The following SHLD2 variants were observed in gnomAD, a reference collection of about 807,000 sequenced individuals.
The protein encoded by SHLD2 is shieldin complex subunit 2.
In SHLD2, 30 loss-of-function variants were observed where a neutral mutation model predicts 73.2. That is an observed-to-expected ratio of 0.41 (90% CI 0.31 to 0.56). The LOEUF is 0.56. Ranked by LOEUF, SHLD2 falls within the 20% of genes least tolerant of loss-of-function variation. SHLD2 has a pLI of 0.28. For synonymous variants in SHLD2, 285 were observed against 370.1 expected, an observed-to-expected ratio of 0.77 and a Z score of 2.64; for missense variants, 745 against 1,055.9, an observed-to-expected ratio of 0.71 and a Z score of 4.08.
chr10:87,125,112 G>T (rs992336394), intron 2 of SHLD2, among the ~76,000 whole-genome samples: 7 of 152,148 alleles, frequency 4.6e-5, no homozygotes, highest in African/African-American at 1.7e-4. Flanking sequence ...AGCAGAAGGG[G>T]TGCTTAAGAG....
intron 7 of SHLD2, among the ~76,000 whole-genome samples, chr10:87,179,336 A>G (rs890338889): frequency 2.0e-5 from 3 of 152,150 alleles, no homozygotes; most frequent in African/African-American, 7.2e-5. Context: ...GTTGGAAAAA[A>G]GTTTAAAAGA....
At position 87,152,216 on chromosome 10, in the gene SHLD2, G is replaced by A. The variant is rs1168487843; in HGVS notation, c.862G>A (p.Glu288Lys). Residue 288 changes from glutamate (E) to lysine (K), a missense_variant, in exon 3 of 10, where the codon GAG becomes AAG. By Grantham distance (56) the Glu-to-Lys change is moderately conservative. This residue lies in a region of SHLD2 where 280 missense variants were observed against 353.9 expected (regional missense o/e 0.79). Coordinates refer to ENST00000298786, the MANE Select transcript of SHLD2 (RefSeq NM_001330112.2). ...ASYGEIRIPE[E>K]NSIQLDGFTE... ...TTACGGGGAGATAAGAATACCTGAA[G>A]AGAATTCGATTCAGCTTGATGGTTT... 5 of 1,583,426 alleles carry A rather than the reference G, an allele frequency of 3.2e-6. No homozygotes were observed. In the Admixed American group the frequency reaches 7.0e-5, roughly 22 times the overall value.
In SHLD2 at chr10:87,151,721, T is replaced by C. The variant is rs1379719674; in HGVS notation, c.367T>C (p.Cys123Arg). 2.5e-6 allele frequency: 4 copies of C among 1,611,984 alleles called. No homozygotes were observed. In the South Asian group the frequency reaches 4.4e-5, roughly 18 times the overall value. The change falls in exon 3 of 10, where the codon TGT (cysteine) becomes CGT (arginine). Residue 123 changes from cysteine (C) to arginine (R), a missense_variant. Around this residue, in one of 5 missense-constraint regions of SHLD2, gnomAD observed 280 missense variants for 353.9 expected, o/e 0.79. Coordinates refer to ENST00000298786, the MANE Select transcript of SHLD2 (RefSeq NM_001330112.2). ...SDITSSNMQI[C>R]GFKSTVPHFT... is the part of the protein sequence containing the mutation. Reference sequence around the variant, plus strand: ...TATAACTAGCTCTAATATGCAAATATGTGGATTTAAAAGCACAGTTCCGCA... The same window carrying C: ...TATAACTAGCTCTAATATGCAAATACGTGGATTTAAAAGCACAGTTCCGCA...
At chr10:87,123,496 G>A (rs1843768245) in intron 2 of SHLD2, among the ~76,000 whole-genome samples, 2 of 151,986 alleles carry the variant, frequency 1.3e-5, no homozygotes, top group Non-Finnish European at 2.9e-5. Flanking sequence ...GGCCAGGCTG[G>A]TGTACTGTTT....
upstream of SHLD2, chr10:87,095,128 G>C (rs1158593206): frequency 4.2e-5 from 6 of 142,748 alleles, no homozygotes; most frequent in Admixed American, 1.4e-4. Flanking sequence ...GAGGAGAGTG[G>C]AGGGGAACGG....
intron 2 of SHLD2, among the ~76,000 whole-genome samples, chr10:87,136,048 A>G (rs1844775497): frequency 6.6e-6 from 1 of 151,412 alleles, no homozygotes; most frequent in Admixed American, 6.6e-5. Context: ...AATTATTTAG[A>G]TTTCTTCTGC....
chr10:87,129,030 C>T (rs1844240048), intron 2 of SHLD2, among the ~76,000 whole-genome samples: 1 of 151,916 alleles, frequency 6.6e-6, no homozygotes, highest in Non-Finnish European at 1.5e-5. Context: ...CTCAGCCTAC[C>T]CAGTAGCTGG....
chr10:87,164,409 C>T (rs563956959), intron 4 of SHLD2, among the ~76,000 whole-genome samples: 157 of 152,152 alleles, frequency 1.0e-3, no homozygotes, highest in African/African-American at 3.3e-3. Context: ...TGCACTACCA[C>T]GCCTGGCTAA....
chr10:87,126,505 G>A (rs1844018742), intron 2 of SHLD2, among the ~76,000 whole-genome samples: 1 of 152,000 alleles, frequency 6.6e-6, no homozygotes, highest in Admixed American at 6.6e-5. Flanking sequence ...ACTAGAAGTA[G>A]TATAGAAACT....
At position 87,168,607 on chromosome 10, in the gene SHLD2, T is replaced by A. The variant is rs187924210; in HGVS notation, c.1634-1871T>A. On this transcript the variant is annotated intron_variant, in intron 4 of 9. Transcript: ENST00000298786. The stretch of plus-strand genomic sequence containing the variant: ...GAGTGACACCTTGTCTCAAAAAAAA[T>A]AAATAAATAAATAAATAAATTGCAG... Among the ~76,000 whole-genome samples the A allele has an allele frequency of 5.3e-3, 742 of 140,704 alleles. 4 individuals carry two copies. Among genetic ancestry groups the A allele is most frequent in the African/African-American group, 0.013 (500 of 37,848 alleles). The allele number at this position is 140,704 out of a possible 152,430, so 92.3% of individuals were successfully genotyped here.
At chr10:87,168,192 G>C (rs1589627188) in intron 4 of SHLD2, among the ~76,000 whole-genome samples, 1 of 152,110 alleles carries the variant, frequency 6.6e-6, no homozygotes, top group East Asian at 1.9e-4. Flanking sequence ...ATTCATTGTA[G>C]CACTATTCAC....
rs373664558 is a variant in SHLD2 at position 87,141,105 on chromosome 10, C to A, written c.-5-10245C>A. 2.6e-5 allele frequency among the ~76,000 whole-genome samples: 4 copies of A among 151,536 alleles called. No individual in the cohort carries two copies. The East Asian group carries it at 7.8e-4, about 30-fold the overall frequency. On this transcript the variant is annotated intron_variant, in intron 2 of 9. Coordinates refer to ENST00000298786, the MANE Select transcript of SHLD2 (RefSeq NM_001330112.2). ...GACAAGCCTGGGCAACATAGTGAGA[C>A]CCTGTCTCTCAAAAAAAAAAATTTA...
chr10:87,107,447 G>T (rs1170505776), intron 2 of SHLD2, among the ~76,000 whole-genome samples: 1 of 152,022 alleles, frequency 6.6e-6, no homozygotes, highest in Non-Finnish European at 1.5e-5. Context: ...AAATAATATG[G>T]TGCTGTGCTA....
At chr10:87,166,408 A>C (rs1450394924) in intron 4 of SHLD2, among the ~76,000 whole-genome samples, 1 of 152,072 alleles carries the variant, frequency 6.6e-6, no homozygotes, top group East Asian at 1.9e-4. Flanking sequence ...TTTTGTACTA[A>C]TAGTAATAAA....
At chr10:87,142,235 G>A (rs1019351857) in intron 2 of SHLD2, among the ~76,000 whole-genome samples, 1 of 152,052 alleles carries the variant, frequency 6.6e-6, no homozygotes. Flanking sequence ...CTTTGATAAG[G>A]AAGCTCCTTT....
chr10:87,109,099 A>G (rs1234204182), intron 2 of SHLD2, among the ~76,000 whole-genome samples: 10 of 152,136 alleles, frequency 6.6e-5, no homozygotes, highest in African/African-American at 2.2e-4. Context: ...GGACCCTAAT[A>G]AAGCAGCTTT....
At position 87,151,410 on chromosome 10, in the gene SHLD2, A is replaced by G. The variant is rs766781988; in HGVS notation, c.56A>G (p.Lys19Arg). The stretch of plus-strand genomic sequence containing the variant: ...TGGGGTGCTCCAATTGCTCCACTGA[A>G]AATCACAGTATCAGAAGACACAGCT... ...IFWGAPIAPL[K>R]ITVSEDTASL... is the part of the protein sequence containing the mutation. Residue 19 changes from lysine (K) to arginine (R), a missense_variant, in exon 3 of 10, where the codon AAA becomes AGA. By Grantham distance (26) the Lys-to-Arg change is conservative (BLOSUM62 2). Transcript: ENST00000298786. 1 of 1,601,860 alleles carries G rather than the reference A, an allele frequency of 6.2e-7. No individual in the cohort carries two copies.
intron 4 of SHLD2, among the ~76,000 whole-genome samples, chr10:87,164,567 A>C (rs1847067662): frequency 6.6e-6 from 1 of 152,154 alleles, no homozygotes. Context: ...TAGTTCTCTA[A>C]TGAAAGGAAA....
At chr10:87,184,507 G>A (rs1344599096) in intron 8 of SHLD2, among the ~76,000 whole-genome samples, 11 of 151,894 alleles carry the variant, frequency 7.2e-5, no homozygotes, top group Non-Finnish European at 5.9e-5. Flanking sequence ...GACCTGTTGC[G>A]CAAACCAGCA....
Sources: gnomAD v4.1 joint callset for allele counts (sites outside exome capture counted in the v4.1 genomes callset) on GRCh38, gnomAD v4.1.1 for gene constraint, gnomAD v4.1.1 regional missense constraint, MANE v1.5 for transcripts, NCBI Gene and HGNC (gene_info 2026-07-23, HGNC 2026-07-21) for gene names.